Variants in STAU1 observed in about 807,000 individuals in gnomAD.
The protein encoded by STAU1 is staufen double-stranded RNA binding protein 1, also known as double-stranded RNA-binding protein Staufen homolog 1.
STAU1 carries 13 observed loss-of-function variants against 62.9 expected under a neutral mutation model. That is an observed-to-expected ratio of 0.21 (90% CI 0.13 to 0.33). The LOEUF is 0.33. Ranked by LOEUF, STAU1 falls within the 10% of genes least tolerant of loss-of-function variation. The pLI, the probability that STAU1 is intolerant of heterozygous loss-of-function variation, is 1.00. For missense variants in STAU1, 571 were observed against 712.1 expected (o/e 0.80, Z 2.25); for synonymous variants, 269 against 265.1 (o/e 1.01, Z -0.14).
chr20:49,122,035 TGAAAGG>T (rs533479677), intron 8 of STAU1, among the ~76,000 whole-genome samples: 3 of 152,230 alleles, frequency 2.0e-5, no homozygotes. Context: ...TTTTGTGGAA[TGAAAGG>T]ATCATTCTTT....
At chr20:49,151,519 G>T (rs1269228163) in intron 5 of STAU1, 63 bp downstream of exon 5, 1 of 1,433,238 alleles carries the variant, frequency 7.0e-7, no homozygotes, top group South Asian at 1.6e-5. Flanking sequence ...AATGTGCGGT[G>T]ACATCTCCCC....
At chr20:49,143,999 G>A (rs2093067918) in intron 5 of STAU1, among the ~76,000 whole-genome samples, 1 of 152,210 alleles carries the variant, frequency 6.6e-6, no homozygotes, top group Non-Finnish European at 1.5e-5. Context: ...GATTCTTCGT[G>A]TACTGGCACT....
At chr20:49,213,641 G>T in the STAU1 span, among the ~76,000 whole-genome samples, 2 of 152,178 alleles carry the variant, frequency 1.3e-5, no homozygotes, top group Non-Finnish European at 2.9e-5. Context: ...CTTAAAGATG[G>T]TTAAGATGAG....
intron 3 of STAU1, among the ~76,000 whole-genome samples, chr20:49,163,418 CCTTTTTTTTTTT>C: frequency 8.4e-6 from 1 of 119,536 alleles, no homozygotes; most frequent in African/African-American, 3.2e-5. Context: ...AGTGTTTAAA[CCTTTTTTTTTTT>C]TTTTTTTTTT....
At chr20:49,197,494 G>A in the STAU1 span, among the ~76,000 whole-genome samples, 2 of 150,890 alleles carry the variant, frequency 1.3e-5, no homozygotes, top group Admixed American at 6.6e-5. Context: ...TCTGCCTGCC[G>A]GGTTCCACTG....
At chr20:49,146,705 C>CAA (rs113862517) in intron 5 of STAU1, among the ~76,000 whole-genome samples, 6 of 120,788 alleles carry the variant, frequency 5.0e-5, no homozygotes, top group African/African-American at 9.3e-5. Context: ...ACCCTATCTC[C>CAA]AAAAAAAAAA....
intron 4 of STAU1, among the ~76,000 whole-genome samples, chr20:49,152,987 A>G (rs1056171915): frequency 1.8e-4 from 27 of 151,900 alleles, no homozygotes; most frequent in African/African-American, 4.6e-4. Flanking sequence ...GTGGTGGCTC[A>G]TGCCTGTAAT....
intron 8 of STAU1, among the ~76,000 whole-genome samples, chr20:49,122,510 A>G (rs919522759): frequency 6.6e-6 from 1 of 152,232 alleles, no homozygotes; most frequent in Non-Finnish European, 1.5e-5. Context: ...TGCAGACATT[A>G]CATTCATTTT....
At chr20:49,171,987 TGAG>T (rs2093603389) in intron 2 of STAU1, among the ~76,000 whole-genome samples, 1 of 150,222 alleles carries the variant, frequency 6.7e-6, no homozygotes, top group African/African-American at 2.4e-5. Flanking sequence ...AGATTAGCCC[TGAG>T]GAGGCACACT....
At chr20:49,164,177 C>G (rs1409788317) in intron 3 of STAU1, among the ~76,000 whole-genome samples, 1 of 151,892 alleles carries the variant, frequency 6.6e-6, no homozygotes, top group Admixed American at 6.6e-5. Context: ...TTGCAGTGAG[C>G]CAAGATCACA....
intron 3 of STAU1, 112 bp from the exon 4 acceptor site, chr20:49,154,183 A>G (rs1388145638): frequency 1.7e-6 from 2 of 1,166,476 alleles, no homozygotes; most frequent in Non-Finnish European, 2.4e-6. Flanking sequence ...TACTTTACAT[A>G]AAAGGACCTG....
At chr20:49,175,727 G>A (rs1315929111) in intron 1 of STAU1, among the ~76,000 whole-genome samples, 2 of 150,176 alleles carry the variant, frequency 1.3e-5, no homozygotes, top group Non-Finnish European at 2.9e-5. Context: ...GACCTCAGGT[G>A]CTCCACCCAC....
At chr20:49,153,807 C>A in intron 4 of STAU1, 126 bp downstream of exon 4, 2 of 930,318 alleles carry the variant, frequency 2.1e-6, no homozygotes, top group East Asian at 3.7e-5. Context: ...TTAAGACCAA[C>A]TTCAACACTT....
At chr20:49,126,778 G>A (rs2145922420) in intron 6 of STAU1, among the ~76,000 whole-genome samples, 1 of 151,654 alleles carries the variant, frequency 6.6e-6, no homozygotes, top group Middle Eastern at 3.4e-3. Context: ...AAGGTCACTC[G>A]ATTTTTGGCA....
At chr20:49,216,254 G>A in the STAU1 span, among the ~76,000 whole-genome samples, 7 of 151,756 alleles carry the variant, frequency 4.6e-5, no homozygotes, top group African/African-American at 1.2e-4. Context: ...GGCTGGGTGC[G>A]GTGGCTCACA....
intron 8 of STAU1, among the ~76,000 whole-genome samples, chr20:49,120,590 T>C (rs1044212835): frequency 2.6e-5 from 4 of 152,200 alleles, no homozygotes. Flanking sequence ...AAGCTGTTTA[T>C]TGTCTAACTC....
the STAU1 span, among the ~76,000 whole-genome samples, chr20:49,218,381 C>T: frequency 0.088 from 13,357 of 151,656 alleles, 706 homozygotes; most frequent in African/African-American, 0.16. Context: ...CCCGCCACCA[C>T]GCCCGGCTAA....
chr20:49,210,057 AT>A, the STAU1 span, among the ~76,000 whole-genome samples: 2 of 141,440 alleles, frequency 1.4e-5, no homozygotes, highest in African/African-American at 5.0e-5. Flanking sequence ...TCAAAAAAAA[AT>A]AATAATAATA....
chr20:49,158,810 T>TA lies in STAU1; in HGVS notation c.206-4740dup, dbSNP rs531698286. 164 of 577,048 alleles carry TA rather than the reference T, an allele frequency of 2.8e-4. 2 individuals carry two copies. The highest frequency in any genetic ancestry group is 2.1e-3 in the Admixed American group (55 of 26,332). The allele number at this position is 577,048 out of a possible 1,614,324, so 35.7% of individuals were successfully genotyped here. A position where few individuals can be genotyped will look rare whatever the true frequency, so the allele number is the denominator to read the frequency against. On this transcript the variant is annotated intron_variant, in intron 3 of 13. Coordinates refer to ENST00000371856, the MANE Select transcript of STAU1 (RefSeq NM_017453.4). The stretch of plus-strand genomic sequence containing the variant: ...GGGCAACAGAGACTCCATTTCAAAA[T>TA]AAAAAAAAGCCGGGCGCGGTGGCTC...
Sources: allele counts gnomAD v4.1 joint callset (sites outside exome capture counted in the v4.1 genomes callset), GRCh38; gene constraint gnomAD v4.1.1; transcripts MANE v1.5; gene names NCBI Gene and HGNC (gene_info 2026-07-23, HGNC 2026-07-21).